TRIO: variants seen among roughly 807,000 people sequenced by gnomAD.
TRIO encodes trio Rho guanine nucleotide exchange factor, also known as triple functional domain protein.
A neutral mutation model predicts 351.9 loss-of-function variants in TRIO; 58 were observed. The ratio of observed to expected loss-of-function variants is 0.16; its 90% CI spans 0.13 to 0.21. TRIO has a LOEUF of 0.21. TRIO is among the 10% of genes least tolerant of loss of function. The probability of loss-of-function intolerance (pLI) is 1.00; values close to 1 mark genes in which losing one functional copy is unlikely to be tolerated. For missense variants in TRIO, 3,201 were observed against 4,027.8 expected, an observed-to-expected ratio of 0.79 and a Z score of 5.56; for synonymous variants, 1,758 against 1,595.7, an observed-to-expected ratio of 1.10 and a Z score of -2.42.
At chr5:14,287,405 T>C (rs1320773131) in intron 4 of TRIO, among the ~76,000 whole-genome samples, 1 of 152,188 alleles carries the variant, frequency 6.6e-6, no homozygotes, top group Non-Finnish European at 1.5e-5. Flanking sequence ...CAGTTACAGA[T>C]TCATTCTCCT....
chr5:14,210,186 C>T (rs751225815), intron 1 of TRIO, among the ~76,000 whole-genome samples: 3 of 152,110 alleles, frequency 2.0e-5, no homozygotes, highest in Non-Finnish European at 1.5e-5. Flanking sequence ...GGTAGATGAA[C>T]GGGGAAGTTC....
chr5:14,325,082 G>A (rs983716716), intron 9 of TRIO, among the ~76,000 whole-genome samples: 1 of 152,160 alleles, frequency 6.6e-6, no homozygotes, highest in East Asian at 1.9e-4. Flanking sequence ...GCAATGATGC[G>A]ATGCATGACC....
intron 2 of TRIO, 125 bp downstream of exon 2, chr5:14,271,024 G>C (rs923687954): frequency 1.4e-6 from 1 of 711,664 alleles, no homozygotes; most frequent in African/African-American, 1.8e-5. Context: ...ATTTTGAATG[G>C]CTTTATTCTT....
intron 9 of TRIO, among the ~76,000 whole-genome samples, chr5:14,321,236 C>G (rs1739850353): frequency 1.3e-5 from 2 of 152,192 alleles, no homozygotes; most frequent in South Asian, 4.1e-4. Context: ...GGAATTCCAG[C>G]AAGAGTAGGA....
At chr5:14,468,170 T>C (rs908317695) in intron 37 of TRIO, among the ~76,000 whole-genome samples, 1 of 152,216 alleles carries the variant, frequency 6.6e-6, no homozygotes, top group African/African-American at 2.4e-5. Context: ...TGTGGCATGG[T>C]CAGTTTTGAC....
chr5:14,328,289 A>C (rs931476752), intron 9 of TRIO, among the ~76,000 whole-genome samples: 1 of 152,272 alleles, frequency 6.6e-6, no homozygotes, highest in Non-Finnish European at 1.5e-5. Context: ...CAATGAGCTC[A>C]ATACGCTAGT....
At chr5:14,288,905 A>G (rs992988903) in intron 4 of TRIO, among the ~76,000 whole-genome samples, 4 of 152,044 alleles carry the variant, frequency 2.6e-5, no homozygotes, top group African/African-American at 7.3e-5. Context: ...CTTGAGGCAT[A>G]TTAATATTAA....
intron 35 of TRIO, among the ~76,000 whole-genome samples, chr5:14,461,924 A>T (rs547009114): frequency 9.8e-5 from 15 of 152,346 alleles, no homozygotes; most frequent in African/African-American, 3.4e-4. Context: ...GGTCAGCCAG[A>T]GATTTTTTAT....
intron 2 of TRIO, among the ~76,000 whole-genome samples, chr5:14,273,954 A>C (rs573616864): frequency 6.6e-6 from 1 of 152,196 alleles, no homozygotes; most frequent in Admixed American, 6.5e-5. Flanking sequence ...TGTTTCATCT[A>C]TATTTCCACT....
At chr5:14,214,155 A>G (rs1792083184) in intron 1 of TRIO, among the ~76,000 whole-genome samples, 1 of 152,196 alleles carries the variant, frequency 6.6e-6, no homozygotes, top group African/African-American at 2.4e-5. Flanking sequence ...TCTTTAAATT[A>G]CACACAGGTG....
At chr5:14,436,456 C>G (rs1212217620) in intron 34 of TRIO, among the ~76,000 whole-genome samples, 3 of 152,148 alleles carry the variant, frequency 2.0e-5, no homozygotes, top group South Asian at 4.1e-4. Flanking sequence ...CCCCTGGTCC[C>G]TCCCAAATCT....
intron 1 of TRIO, among the ~76,000 whole-genome samples, chr5:14,213,002 A>T (rs114931210): frequency 6.6e-6 from 1 of 152,214 alleles, no homozygotes; most frequent in Admixed American, 6.5e-5. Flanking sequence ...GACCAAGAAG[A>T]GTTCAGTTGC....
rs766835495 is a variant in TRIO, at chr5:14,270,821, T to A, written c.158-4T>A. The stretch of plus-strand genomic sequence containing the variant: ...TAATTTTATTTTCTCCTTCTGTATT[T>A]CAGGGTTTCGAAAAAACGATGAAAT... On this transcript the variant is annotated splice_polypyrimidine_tract_variant and splice_region_variant and intron_variant, in intron 1 of 56. Transcript: ENST00000344204. 10 of 1,613,298 alleles carry A rather than the reference T, an allele frequency of 6.2e-6. No individual in the cohort carries two copies. In the African/African-American group the frequency reaches 6.7e-5, roughly 11 times the overall value.
chr5:14,178,707 C>T (rs1369866040), intron 1 of TRIO, among the ~76,000 whole-genome samples: 1 of 152,130 alleles, frequency 6.6e-6, no homozygotes, highest in Admixed American at 6.5e-5. Context: ...ATGACTCCCA[C>T]TGGTCATTTT....
At chr5:14,318,986 G>T (rs1055730282) in intron 9 of TRIO, among the ~76,000 whole-genome samples, 4 of 152,000 alleles carry the variant, frequency 2.6e-5, no homozygotes, top group African/African-American at 4.8e-5. Context: ...GTTAGAAAAG[G>T]GCACAAGGTA....
At chr5:14,402,317 G>A (rs908682769) in intron 31 of TRIO, among the ~76,000 whole-genome samples, 2 of 152,170 alleles carry the variant, frequency 1.3e-5, no homozygotes, top group African/African-American at 2.4e-5. Flanking sequence ...TTAGGATGTC[G>A]TAAATGCTCA....
At chr5:14,439,144 T>C (rs1212434806) in intron 34 of TRIO, among the ~76,000 whole-genome samples, 6 of 152,144 alleles carry the variant, frequency 3.9e-5, no homozygotes, top group African/African-American at 1.4e-4. Flanking sequence ...GCCTCCTGAG[T>C]AGCTGGGATT....
Position 14,462,799 on chromosome 5 carries a change from C to G in TRIO, c.5541C>G (p.Ser1847=). ...EGLSSGTLSK[S]SSSGMQSCGE... ...TGAGCAGCGGTACTCTCTCCAAATCCTCCTCCTCGGGGATGCAGAGCTGTG... is the reference window on the plus strand; with the variant it reads ...TGAGCAGCGGTACTCTCTCCAAATCGTCCTCCTCGGGGATGCAGAGCTGTG... The change falls in exon 36 of 57, where the codon TCC becomes TCG. Residue 1847 remains serine (S), a synonymous_variant. Transcript: ENST00000344204. 1.2e-6 allele frequency: 2 copies of G among 1,614,190 alleles called. No homozygotes were observed. Among genetic ancestry groups the G allele is most frequent in the Non-Finnish European group, 1.7e-6 (2 of 1,179,988 alleles).
At chr5:14,421,272 T>TTTTAC (rs1750127413) in intron 34 of TRIO, among the ~76,000 whole-genome samples, 2 of 148,680 alleles carry the variant, frequency 1.3e-5, no homozygotes, top group Non-Finnish European at 3.0e-5. Context: ...TTTTATTTTA[T>TTTTAC]TTTATTTTAT....
Sources: allele counts gnomAD v4.1 joint callset (sites outside exome capture counted in the v4.1 genomes callset), GRCh38; gene constraint gnomAD v4.1.1; transcripts MANE v1.5; gene names NCBI Gene and HGNC (gene_info 2026-07-23, HGNC 2026-07-21).